MAPKAPK2: variants seen among roughly 807,000 people sequenced by gnomAD.
MAPKAPK2 encodes MAP kinase-activated protein kinase 2.
In MAPKAPK2, 9 loss-of-function variants were observed where a neutral mutation model predicts 48.8. The observed-to-expected ratio is 0.18, with a 90% CI of 0.11 to 0.32. The LOEUF (loss-of-function observed/expected upper bound fraction) is 0.32. MAPKAPK2 is among the 10% of genes least tolerant of loss of function. MAPKAPK2 has a pLI of 1.00. For missense variants in MAPKAPK2, 331 were observed against 498.3 expected (o/e 0.66, Z 3.20); for synonymous variants, 202 against 190.6 (o/e 1.06, Z -0.49).
rs1296912549 is a variant in MAPKAPK2 at position 206,732,189 on chromosome 1, A to G, written c.1059+270A>G. 3 of 1,592,644 alleles carry G rather than the reference A, an allele frequency of 1.9e-6. No individual in the cohort carries two copies. Among genetic ancestry groups the G allele is most frequent in the Non-Finnish European group, 2.6e-6 (3 of 1,164,876 alleles). ...GGGACCTTAAAGACCATCTGGTATC[A>G]TCTTCTCATTTTGCAGAAGAGAAAC... On this transcript the variant is annotated intron_variant, in intron 9 of 9. Coordinates refer to ENST00000367103, the MANE Select transcript of MAPKAPK2 (RefSeq NM_032960.4). This position sits in a 1 kb window ranked among gnomAD's most constrained non-coding sequence, Gnocchi z 4.4.
intron 1 of MAPKAPK2, among the ~76,000 whole-genome samples, 181 bp from the exon 2 acceptor site, chr1:206,728,529 C>A (rs1373501549): frequency 6.7e-6 from 1 of 149,404 alleles, no homozygotes; most frequent in Non-Finnish European, 1.5e-5. Context: ...CATGAGATTT[C>A]ATATAGAGCA....
intron 1 of MAPKAPK2, among the ~76,000 whole-genome samples, chr1:206,700,248 G>A (rs1553427719): frequency 6.6e-6 from 1 of 152,138 alleles, no homozygotes; most frequent in East Asian, 1.9e-4. Flanking sequence ...TGCTTGGACT[G>A]AGGGAACCTT....
chr1:206,685,277 C>T lies in MAPKAPK2; in HGVS notation c.48C>T (p.Ala16=), dbSNP rs782404731. ...AGAGCCCGCCGGTGCCGTTCCCCGCCCCGGCCCCGCCGCCGCAGCCCCCCA... is the reference window on the plus strand; with the variant it reads ...AGAGCCCGCCGGTGCCGTTCCCCGCTCCGGCCCCGCCGCCGCAGCCCCCCA... ...QGQSPPVPFP[A]PAPPPQPPTP... Residue 16 remains alanine (A), a synonymous_variant, in exon 1 of 10, where the codon GCC becomes GCT. Transcript: ENST00000367103. 4 of 492,286 alleles carry T rather than the reference C, an allele frequency of 8.1e-6. No individual in the cohort carries two copies. The East Asian group carries it at 2.1e-4, about 26-fold the overall frequency. The allele number at this position is 492,286 out of a possible 1,614,324, so 30.5% of individuals were successfully genotyped here.
chr1:206,701,373 C>T (rs1246607827), intron 1 of MAPKAPK2, among the ~76,000 whole-genome samples: 2 of 152,196 alleles, frequency 1.3e-5, no homozygotes, highest in Admixed American at 6.5e-5. Context: ...AACATTTTAT[C>T]ATCACAGAAT....
intron 1 of MAPKAPK2, among the ~76,000 whole-genome samples, chr1:206,721,738 G>A (rs1553431232): frequency 6.6e-6 from 1 of 152,210 alleles, no homozygotes; most frequent in East Asian, 1.9e-4. Flanking sequence ...CTCCCAGGGT[G>A]GGGGTGAAGT....
intron 6 of MAPKAPK2, among the ~76,000 whole-genome samples, 177 bp from the exon 7 acceptor site, chr1:206,730,961 T>TG (rs1367986612): frequency 2.0e-5 from 3 of 152,192 alleles, no homozygotes; most frequent in African/African-American, 7.2e-5. Context: ...CTTAGATACT[T>TG]GCTATGCTGG....
intron 1 of MAPKAPK2, among the ~76,000 whole-genome samples, chr1:206,694,538 G>T (rs1672557065): frequency 6.6e-6 from 1 of 152,188 alleles, no homozygotes. Context: ...GCCTTCCTTG[G>T]CTTCTGTGAT....
In MAPKAPK2 at chr1:206,685,372, T is replaced by G; in HGVS notation, c.143T>G (p.Val48Gly). The change falls in exon 1 of 10, where the codon GTC (valine) becomes GGC (glycine). Residue 48 changes from valine to glycine, a missense_variant. By Grantham distance (109) the Val-to-Gly change is moderately radical. Around this residue, in one of 4 missense-constraint regions of MAPKAPK2, gnomAD observed 93 missense variants for 81.0 expected, o/e 1.15. Transcript: ENST00000367103. ...CCGCAGCAGTTCCCGCAGTTCCACGTCAAGTCCGGCCTGCAGATCAAGAAG... is the reference window on the plus strand; with the variant it reads ...CCGCAGCAGTTCCCGCAGTTCCACGGCAAGTCCGGCCTGCAGATCAAGAAG... ...PPPQQFPQFH[V>G]KSGLQIKKNA... 4.7e-6 allele frequency: 7 copies of G among 1,484,952 alleles called. No homozygotes were observed. Among genetic ancestry groups the G allele is most frequent in the Non-Finnish European group, 6.3e-6 (7 of 1,105,048 alleles). 92.0% of individuals were successfully genotyped at this position (1,484,952 alleles called of 1,614,324 possible). A position where few individuals can be genotyped will look rare whatever the true frequency, so the allele number is the denominator to read the frequency against.
At chr1:206,720,709 A>C (rs1168427384) in intron 1 of MAPKAPK2, among the ~76,000 whole-genome samples, 1 of 152,178 alleles carries the variant, frequency 6.6e-6, no homozygotes, top group Non-Finnish European at 1.5e-5. Context: ...TCCATAGAGC[A>C]CTGAGTTTAT....
chr1:206,720,518 G>C (rs1673480792), intron 1 of MAPKAPK2, among the ~76,000 whole-genome samples: 2 of 152,078 alleles, frequency 1.3e-5, no homozygotes, highest in Non-Finnish European at 2.9e-5. Flanking sequence ...ACCATGCCTG[G>C]CTAATTTTTT....
At chr1:206,695,631 A>G (rs1672591825) in intron 1 of MAPKAPK2, among the ~76,000 whole-genome samples, 1 of 151,970 alleles carries the variant, frequency 6.6e-6, no homozygotes, top group South Asian at 2.1e-4. Flanking sequence ...TCCACCCTGC[A>G]CAGATGCTGC....
At chr1:206,726,102 A>G (rs1357800331) in intron 1 of MAPKAPK2, among the ~76,000 whole-genome samples, 1 of 152,188 alleles carries the variant, frequency 6.6e-6, no homozygotes, top group Non-Finnish European at 1.5e-5. Context: ...AATGAAGTTG[A>G]AGGCTGGGCA....
At chr1:206,730,846 G>A (rs1214087775) in intron 6 of MAPKAPK2, 83 bp downstream of exon 6, 41 of 1,425,464 alleles carry the variant, frequency 2.9e-5, no homozygotes, top group Non-Finnish European at 3.9e-5. Context: ...AGAGGCAGAC[G>A]TTAGCATTCC....
chr1:206,727,870 G>T (rs944699034), intron 1 of MAPKAPK2, among the ~76,000 whole-genome samples: 1 of 152,282 alleles, frequency 6.6e-6, no homozygotes, highest in African/African-American at 2.4e-5. Context: ...TGATCTGCCT[G>T]CCTCGGCCTC....
chr1:206,730,413 C>T (rs1044536703), intron 5 of MAPKAPK2, among the ~76,000 whole-genome samples: 54 of 152,348 alleles, frequency 3.5e-4, no homozygotes, highest in African/African-American at 1.2e-3. Flanking sequence ...AAAGCATGTT[C>T]AGAGCATCTG....
rs781855966 is a variant in MAPKAPK2 at position 206,731,525 on chromosome 1, A to G, written c.893-115A>G. 9.5e-5 allele frequency: 106 copies of G among 1,115,608 alleles called. No individual in the cohort carries two copies. Among genetic ancestry groups the G allele is most frequent in the Non-Finnish European group, 1.3e-4 (96 of 737,156 alleles). 69.1% of individuals were successfully genotyped at this position (1,115,608 alleles called of 1,614,324 possible). ...GGTCCTTGGGGCCAGTTGCTCCGGC[A>G]GCCTGCCTCCATGCACCCCCTCTTT... On this transcript the variant is annotated intron_variant, in intron 7 of 9. Transcript: ENST00000367103. The surrounding 1 kb of genome is among the most constrained non-coding windows in gnomAD (Gnocchi z 5.9).
Position 206,684,924 on chromosome 1 carries a change from G to C in MAPKAPK2, c.-306G>C, listed in dbSNP as rs1376642573. 2.7e-5 allele frequency: 4 copies of C among 146,788 alleles called. No individual in the cohort carries two copies. The highest frequency in any genetic ancestry group is 4.5e-5 in the Non-Finnish European group (3 of 66,592). 9.1% of individuals were successfully genotyped at this position (146,788 alleles called of 1,614,324 possible). ...GAGGCTGTGACGCGGCCGCCGGCCCGGGGCTGGGTACATTGTCGCGCGGCC... is the reference window on the plus strand; with the variant it reads ...GAGGCTGTGACGCGGCCGCCGGCCCCGGGCTGGGTACATTGTCGCGCGGCC... On this transcript the variant is annotated 5_prime_UTR_variant, in exon 1 of 10. Coordinates refer to ENST00000367103, the MANE Select transcript of MAPKAPK2 (RefSeq NM_032960.4).
At chr1:206,691,958 A>G (rs781802105) in intron 1 of MAPKAPK2, among the ~76,000 whole-genome samples, 33 of 152,250 alleles carry the variant, frequency 2.2e-4, no homozygotes, top group Non-Finnish European at 3.4e-4. Context: ...CAGAGAGGAT[A>G]GACTACGTAA....
In MAPKAPK2 at chr1:206,685,517, G is replaced by T. The variant is rs782631286; in HGVS notation, c.279+9G>T. On this transcript the variant is annotated intron_variant, in intron 1 of 9. Transcript: ENST00000367103. ...AGAAATTCGCCCTCAAAGTAGGTCT[G>T]GGGCCCGGGGAGGGGAGGCGGGGCC... is the stretch of plus-strand genomic sequence containing the variant. 2.7e-6 allele frequency: 4 copies of T among 1,503,428 alleles called. No individual in the cohort carries two copies. The highest frequency in any genetic ancestry group is 2.7e-6 in the Non-Finnish European group (3 of 1,120,132). 93.1% of individuals were successfully genotyped at this position (1,503,428 alleles called of 1,614,324 possible).
Sources: allele counts gnomAD v4.1 joint callset (sites outside exome capture counted in the v4.1 genomes callset), GRCh38; gene constraint gnomAD v4.1.1; regional missense constraint gnomAD v4.1.1; non-coding constraint Gnocchi (gnomAD v3.1); transcripts MANE v1.5; gene names NCBI Gene and HGNC (gene_info 2026-07-23, HGNC 2026-07-21).